The following CUX1 variants were observed in gnomAD, a reference collection of about 807,000 sequenced individuals.
CUX1 encodes the protein cut like homeobox 1, also known as protein CASP.
In CUX1, 31 loss-of-function variants were observed where a neutral mutation model predicts 158.8. The observed-to-expected ratio is 0.20, with a 90% CI of 0.15 to 0.26. The LOEUF is 0.26. Among genes scored for constraint, CUX1 ranks in the 10% least tolerant of loss-of-function variants. CUX1 has a pLI of 1.00. For synonymous variants in CUX1, 879 were observed against 862.1 expected, an observed-to-expected ratio of 1.02 and a Z score of -0.34; for missense variants, 1,589 against 2,014.6, an observed-to-expected ratio of 0.79 and a Z score of 4.04.
intron 1 of CUX1, among the ~76,000 whole-genome samples, chr7:101,830,162 C>T (rs926849162): frequency 2.0e-5 from 3 of 152,314 alleles, no homozygotes; most frequent in African/African-American, 7.2e-5. Flanking sequence ...CAGATCCCCA[C>T]TCTCCAAGCC....
At chr7:102,069,029 G>T (rs1055189848) in intron 3 of CUX1, among the ~76,000 whole-genome samples, 1 of 152,102 alleles carries the variant, frequency 6.6e-6, no homozygotes, top group Non-Finnish European at 1.5e-5. Context: ...TGGAATCCCC[G>T]GGACCGTCCT....
intron 2 of CUX1, among the ~76,000 whole-genome samples, chr7:101,970,809 G>A (rs561323069): frequency 4.9e-4 from 74 of 152,254 alleles, no homozygotes; most frequent in Non-Finnish European, 8.5e-4. Context: ...ACCTGCCTCA[G>A]CCTCCCAAAG....
intron 11 of CUX1, 85 bp downstream of exon 11, chr7:102,178,742 T>G: frequency 1.4e-6 from 2 of 1,408,408 alleles, no homozygotes; most frequent in Non-Finnish European, 1.9e-6. Flanking sequence ...CCTCTGCCTT[T>G]CTGGACTTGA....
rs76202142 is a variant in CUX1, at chr7:102,274,356, G to T, written c.1450+46G>T. On this transcript the variant is annotated intron_variant, in intron 16 of 22. Transcript: ENST00000292538. Reference sequence around the variant, plus strand: ...TGGGAGGAGGGAGGAGGAGGGAAGAGGAGACAGGTGATACCGCCTGAGAAC... The same window carrying T: ...TGGGAGGAGGGAGGAGGAGGGAAGATGAGACAGGTGATACCGCCTGAGAAC... 5,891 of 1,536,244 alleles carry T rather than the reference G, an allele frequency of 3.8e-3. 176 individuals carry two copies. In the African/African-American group the frequency reaches 0.071, roughly 19 times the overall value.
intron 8 of CUX1, among the ~76,000 whole-genome samples, chr7:102,158,158 C>T (rs1468791209): frequency 2.0e-5 from 3 of 152,164 alleles, no homozygotes; most frequent in African/African-American, 7.2e-5. Flanking sequence ...CTTCAAAACC[C>T]CACTTACCTG....
intron 4 of CUX1, among the ~76,000 whole-genome samples, chr7:102,089,420 G>A (rs1554481554): frequency 6.6e-6 from 1 of 152,152 alleles, no homozygotes. Context: ...TTAAGTTTGG[G>A]CAGGCAGTTA....
intron 3 of CUX1, among the ~76,000 whole-genome samples, chr7:102,054,738 C>T (rs745709061): frequency 5.3e-5 from 8 of 152,094 alleles, no homozygotes; most frequent in Non-Finnish European, 7.4e-5. Context: ...GAGGCCAAGA[C>T]GGGAGGATCA....
intron 2 of CUX1, among the ~76,000 whole-genome samples, chr7:102,001,621 G>A (rs1816699566): frequency 6.6e-6 from 1 of 152,232 alleles, no homozygotes; most frequent in South Asian, 2.1e-4. Flanking sequence ...TGGGATTACA[G>A]GCGTGAGCCA....
chr7:102,255,604 G>A lies in CUX1; in HGVS notation c.*6562G>A. On this transcript the variant is annotated 3_prime_UTR_variant, in exon 24 of 24. Coordinates refer to ENST00000292535, the MANE Select transcript of CUX1 (RefSeq NM_181552.4). ...CGCTTTAATTTCTACCACAAAATAT[G>A]CTATATGCTATGTATCAAGCTTTCT... 3 of 985,278 alleles carry A rather than the reference G, an allele frequency of 3.0e-6. No individual in the cohort carries two copies. The highest frequency in any genetic ancestry group is 3.6e-6 in the Non-Finnish European group (3 of 829,878). 61.0% of individuals were successfully genotyped at this position (985,278 alleles called of 1,614,324 possible).
At chr7:101,919,880 G>A (rs114855659) in intron 2 of CUX1, among the ~76,000 whole-genome samples, 59 of 152,278 alleles carry the variant, frequency 3.9e-4, no homozygotes, top group African/African-American at 1.1e-3. Flanking sequence ...TCTGACAGGC[G>A]GGAGAAGCCA....
intron 2 of CUX1, among the ~76,000 whole-genome samples, chr7:101,994,688 G>A (rs971236961): frequency 6.6e-5 from 10 of 152,106 alleles, no homozygotes; most frequent in African/African-American, 2.4e-4. Flanking sequence ...TCCCTCCATT[G>A]TCACCTTCGG....
At chr7:102,275,525 GGCTTTGAAAGAA>G (rs1554547569) in intron 17 of CUX1, among the ~76,000 whole-genome samples, 1 of 152,150 alleles carries the variant, frequency 6.6e-6, no homozygotes, top group Admixed American at 6.5e-5. Flanking sequence ...TGCCACACTG[GGCTTTGAAAGAA>G]GACTCAGATG....
Position 102,115,148 on chromosome 7 carries a change from C to T in CUX1, c.608-59C>T, listed in dbSNP as rs1342872089. 6 of 1,404,940 alleles carry T rather than the reference C, an allele frequency of 4.3e-6. No individual in the cohort carries two copies. The African/African-American group carries it at 4.3e-5, about 10-fold the overall frequency. 87.0% of individuals were successfully genotyped at this position (1,404,940 alleles called of 1,614,324 possible). A position where few individuals can be genotyped will look rare whatever the true frequency, so the allele number is the denominator to read the frequency against. On this transcript the variant is annotated intron_variant, in intron 7 of 23. Coordinates refer to ENST00000292535, the MANE Select transcript of CUX1 (RefSeq NM_181552.4). ...CCTCTTTTGAAATGGGAATAGATTA[C>T]CTGTGTATGCATTCTTTTAAAATTT... is the stretch of plus-strand genomic sequence containing the variant.
intron 2 of CUX1, chr7:101,961,116 C>G (rs915138091): frequency 1.3e-5 from 2 of 152,096 alleles, no homozygotes; most frequent in African/African-American, 4.8e-5. Flanking sequence ...GTGGAGTCTC[C>G]AAGCAGAGCT....
At chr7:102,208,829 T>G (rs567174581) in intron 20 of CUX1, among the ~76,000 whole-genome samples, 67 of 152,196 alleles carry the variant, frequency 4.4e-4, no homozygotes, top group Non-Finnish European at 7.6e-4. Flanking sequence ...GTAGAACCAA[T>G]GTCTGCAGAA....
intron 1 of CUX1, among the ~76,000 whole-genome samples, chr7:101,895,908 G>GTTTTTTTT (rs869038068): frequency 1.1e-5 from 1 of 93,996 alleles, no homozygotes; most frequent in Non-Finnish European, 2.2e-5. Context: ...TTTTGTTTTT[G>GTTTTTTTT]TTTTTTTTTT....
At chr7:102,009,626 T>C (rs942486609) in intron 2 of CUX1, among the ~76,000 whole-genome samples, 4 of 152,200 alleles carry the variant, frequency 2.6e-5, no homozygotes, top group African/African-American at 9.6e-5. Flanking sequence ...ATAATTCAGG[T>C]GAGTTCAGGC....
rs1790095058 is a variant in CUX1, at chr7:102,258,032, G to A, written c.*8990G>A. The A allele has an allele frequency of 2.0e-6, 2 of 984,940 alleles. No individual in the cohort carries two copies. The highest frequency in any genetic ancestry group is 4.7e-5 in the South Asian group (1 of 21,258). The allele number at this position is 984,940 out of a possible 1,614,324, so 61.0% of individuals were successfully genotyped here. ...AGTCAAAGTTGACCTGGCTGGCGTG[G>A]GGGTGGGGGAGGCACCCGTCGGCCC... is the stretch of plus-strand genomic sequence containing the variant. On this transcript the variant is annotated 3_prime_UTR_variant, in exon 24 of 24. Transcript: ENST00000292535.
At chr7:101,826,049 G>A (rs1318132201) in intron 1 of CUX1, among the ~76,000 whole-genome samples, 2 of 152,048 alleles carry the variant, frequency 1.3e-5, no homozygotes, top group Non-Finnish European at 2.9e-5. Flanking sequence ...TCTTAGGGTA[G>A]CAGACAGAGT....
Sources: gnomAD v4.1 joint callset for allele counts (sites outside exome capture counted in the v4.1 genomes callset) on GRCh38, gnomAD v4.1.1 for gene constraint, MANE v1.5 for transcripts, NCBI Gene and HGNC (gene_info 2026-07-23, HGNC 2026-07-21) for gene names.